TNFAIP8L3: variants seen among roughly 807,000 people sequenced by gnomAD.
TNFAIP8L3 encodes tumor necrosis factor alpha-induced protein 8-like protein 3.
In TNFAIP8L3, 7 loss-of-function variants were observed where a neutral mutation model predicts 11.8. The ratio of observed to expected loss-of-function variants is 0.59; its 90% CI spans 0.34 to 1.11. The LOEUF is 1.11. Ranked by LOEUF, TNFAIP8L3 falls within the 50% of genes most tolerant of loss-of-function variation. TNFAIP8L3 has a pLI of 0.03. For synonymous variants in TNFAIP8L3, 98 were observed against 103.8 expected, an observed-to-expected ratio of 0.94 and a Z score of 0.34; for missense variants, 219 against 258.6, an observed-to-expected ratio of 0.85 and a Z score of 1.05.
intron 1 of TNFAIP8L3, among the ~76,000 whole-genome samples, chr15:51,081,126 C>T (rs1276583679): frequency 1.3e-5 from 2 of 152,146 alleles, no homozygotes; most frequent in African/African-American, 4.8e-5. Context: ...GCCTTAGTCC[C>T]TCTAACACTC....
At position 51,094,649 on chromosome 15, in the gene TNFAIP8L3, C is replaced by T. The variant is rs746106215; in HGVS notation, c.-54G>A. ...GCCACCCGCCCGTCTGCGGGGCGCT[C>T]GGGCAGCCGCGGCGCACTCAGGGCG... On this transcript the variant is annotated 5_prime_UTR_variant, in exon 1 of 2. Coordinates refer to ENST00000637513, the MANE Select transcript of TNFAIP8L3 (RefSeq NM_001311175.2). This position sits in a 1 kb window ranked among gnomAD's most constrained non-coding sequence, Gnocchi z 4.4. 1.8e-5 allele frequency: 24 copies of T among 1,370,042 alleles called. No homozygotes were observed. The highest frequency in any genetic ancestry group is 3.0e-5 in the African/African-American group (2 of 66,228). The allele number at this position is 1,370,042 out of a possible 1,614,324, so 84.9% of individuals were successfully genotyped here.
chr15:51,063,675 A>C (rs998919115), intron 1 of TNFAIP8L3, among the ~76,000 whole-genome samples: 4 of 152,194 alleles, frequency 2.6e-5, no homozygotes, highest in African/African-American at 9.7e-5. Flanking sequence ...GCTATGTAGC[A>C]AGTGCTATGA....
intron 1 of TNFAIP8L3, among the ~76,000 whole-genome samples, chr15:51,089,260 T>C (rs552428296): frequency 2.0e-5 from 3 of 152,246 alleles, no homozygotes; most frequent in African/African-American, 7.2e-5. Flanking sequence ...CCCACCTACC[T>C]ATTCAGCCAG....
chr15:51,083,142 G>T (rs1206370375), intron 1 of TNFAIP8L3, among the ~76,000 whole-genome samples: 3 of 152,114 alleles, frequency 2.0e-5, no homozygotes. Flanking sequence ...GGCTAGAGGG[G>T]AGTAAGGGAT....
At position 51,070,807 on chromosome 15, in the gene TNFAIP8L3, G is replaced by T. The variant is rs182704341; in HGVS notation, c.53-12364C>A. On this transcript the variant is annotated intron_variant, in intron 1 of 1. Coordinates refer to ENST00000637513, the MANE Select transcript of TNFAIP8L3 (RefSeq NM_001311175.2). ...CACGCCTGTAATCCCAGCACTTTGGGAGGCCAAGGCGGGCGGATCACGAGG... is the reference window on the plus strand; with the variant it reads ...CACGCCTGTAATCCCAGCACTTTGGTAGGCCAAGGCGGGCGGATCACGAGG... Among the ~76,000 whole-genome samples, 9 of 152,024 alleles carry T rather than the reference G, an allele frequency of 5.9e-5. No individual in the cohort carries two copies. In the South Asian group the frequency reaches 1.5e-3, roughly 25 times the overall value.
At chr15:51,065,062 G>T (rs2065261755) in intron 1 of TNFAIP8L3, among the ~76,000 whole-genome samples, 1 of 152,168 alleles carries the variant, frequency 6.6e-6, no homozygotes, top group African/African-American at 2.4e-5. Flanking sequence ...GAAAGGTAAT[G>T]GATTGTTTAT....
rs182539434 is a variant in TNFAIP8L3, at chr15:51,078,817, T to G, written c.52+15727A>C. On this transcript the variant is annotated intron_variant, in intron 1 of 1. Coordinates refer to ENST00000637513, the MANE Select transcript of TNFAIP8L3 (RefSeq NM_001311175.2). Reference sequence around the variant, plus strand: ...CTCACCTCCCATATCTAACGAGGCCTCCGACTGTCTATTCAGCTTCTGTAA... The same window carrying G: ...CTCACCTCCCATATCTAACGAGGCCGCCGACTGTCTATTCAGCTTCTGTAA... 4.6e-3 allele frequency among the ~76,000 whole-genome samples: 703 copies of G among 152,168 alleles called. 5 individuals are homozygous for G. The highest frequency in any genetic ancestry group is 0.016 in the African/African-American group (680 of 41,518).
Position 51,087,422 on chromosome 15 carries a change from A to C in TNFAIP8L3, c.52+7122T>G, listed in dbSNP as rs763020942. On this transcript the variant is annotated intron_variant, in intron 1 of 1. Coordinates refer to ENST00000637513, the MANE Select transcript of TNFAIP8L3 (RefSeq NM_001311175.2). ...GTGTGGGATGTGTGTGCTCACTAGC[A>C]ACAGCTCCTTCCAGAATCTCCTCCC... 7.4e-4 allele frequency among the ~76,000 whole-genome samples: 113 copies of C among 152,208 alleles called. 1 individual carries two copies. The highest frequency in any genetic ancestry group is 1.1e-3 in the Non-Finnish European group (78 of 68,040).
intron 1 of TNFAIP8L3, among the ~76,000 whole-genome samples, chr15:51,093,302 G>C (rs765551277): frequency 2.6e-5 from 4 of 152,204 alleles, no homozygotes; most frequent in African/African-American, 9.7e-5. Flanking sequence ...CCCTCTGTGG[G>C]GTCTGATGCA....
chr15:51,082,684 AATT>A (rs1595615017), intron 1 of TNFAIP8L3, among the ~76,000 whole-genome samples: 2 of 152,272 alleles, frequency 1.3e-5, no homozygotes, highest in East Asian at 3.8e-4. Context: ...GCTGTACAAA[AATT>A]ATTTTTTCCT....
Position 51,056,846 on chromosome 15 carries a change from C to T in TNFAIP8L3, c.*1035G>A, listed in dbSNP as rs943301065. On this transcript the variant is annotated 3_prime_UTR_variant, in exon 2 of 2. Transcript: ENST00000637513. The stretch of plus-strand genomic sequence containing the variant: ...CCACCCCCCCATGGAAAGTTTCCCT[C>T]TGCAGGATCATCAACCTGAACATCT... 3 of 152,028 alleles carry T rather than the reference C, an allele frequency of 2.0e-5. No homozygotes were observed. Among genetic ancestry groups the T allele is most frequent in the Admixed American group, 1.3e-4 (2 of 15,252 alleles). The allele number at this position is 152,028 out of a possible 1,614,324, so 9.4% of individuals were successfully genotyped here.
chr15:51,074,521 G>A (rs1296338018), intron 1 of TNFAIP8L3, among the ~76,000 whole-genome samples: 1 of 152,228 alleles, frequency 6.6e-6, no homozygotes, highest in African/African-American at 2.4e-5. Context: ...AAAGTAACAG[G>A]AGATACTGAA....
At chr15:51,058,580 C>A in intron 1 of TNFAIP8L3, 137 bp from the exon 2 acceptor site, 1 of 759,600 alleles carries the variant, frequency 1.3e-6, no homozygotes. Context: ...CGCTCCCTAA[C>A]TAAACCCCAC....
intron 1 of TNFAIP8L3, among the ~76,000 whole-genome samples, chr15:51,073,603 T>A (rs1308080582): frequency 6.6e-6 from 1 of 152,228 alleles, no homozygotes; most frequent in African/African-American, 2.4e-5. Context: ...TAGCATCTCT[T>A]GGACTTTTTA....
intron 1 of TNFAIP8L3, chr15:51,064,769 C>T (rs1000048803): frequency 6.6e-6 from 1 of 152,234 alleles, no homozygotes; most frequent in Non-Finnish European, 1.5e-5. Context: ...CTGCCTCAGC[C>T]TTCTGCACAG....
At chr15:51,066,123 G>A (rs1465708347) in intron 1 of TNFAIP8L3, among the ~76,000 whole-genome samples, 6 of 150,122 alleles carry the variant, frequency 4.0e-5, no homozygotes, top group African/African-American at 1.2e-4. Context: ...TCCTTAAGAC[G>A]GAGCAGGCTC....
At position 51,105,228 on chromosome 15, in the gene TNFAIP8L3, C is replaced by T. The variant is rs559330422; in HGVS notation, c.-52G>A. 7.6e-6 allele frequency: 12 copies of T among 1,580,700 alleles called. No individual in the cohort carries two copies. In the East Asian group the frequency reaches 1.4e-4, roughly 18 times the overall value. On this transcript the variant is annotated 5_prime_UTR_variant, in exon 1 of 3. Transcript: ENST00000327536. Reference sequence around the variant, plus strand: ...AGTAGCCCTAACTTGCACACTGACTCTTTAGGAGGTCTGGTCGTTTCCCAT... The same window carrying T: ...AGTAGCCCTAACTTGCACACTGACTTTTTAGGAGGTCTGGTCGTTTCCCAT...
At chr15:51,097,432 G>GAGAAA (rs1258868543), upstream of TNFAIP8L3, among the ~76,000 whole-genome samples, 1 of 152,118 alleles carries the variant, frequency 6.6e-6, no homozygotes, top group Non-Finnish European at 1.5e-5. Flanking sequence ...AACTGGTCAA[G>GAGAAA]GTATCCTGAA....
chr15:51,104,143 C>T (rs1595624787), intron 1 of TNFAIP8L3, among the ~76,000 whole-genome samples: 1 of 152,176 alleles, frequency 6.6e-6, no homozygotes, highest in Non-Finnish European at 1.5e-5. Context: ...TTCTGTCTTC[C>T]TTGCTTCCAT....
Sources: gnomAD v4.1 joint callset for allele counts (sites outside exome capture counted in the v4.1 genomes callset) on GRCh38, gnomAD v4.1.1 for gene constraint, Gnocchi (gnomAD v3.1) non-coding constraint, MANE v1.5 for transcripts, NCBI Gene and HGNC (gene_info 2026-07-23, HGNC 2026-07-21) for gene names.